NBAS: variants seen among roughly 807,000 people sequenced by gnomAD.
NBAS encodes the protein NAG/BC035112 fusion.
Under a neutral mutation model 302.5 loss-of-function variants are expected in NBAS, and 219 were observed. That is an observed-to-expected ratio of 0.72 (90% CI 0.65 to 0.81). NBAS has a LOEUF of 0.81. Among genes scored for constraint, NBAS ranks in the 30% least tolerant of loss-of-function variants. The pLI is 0.00. For missense variants in NBAS, 2,932 were observed against 2,841.6 expected, an observed-to-expected ratio of 1.03 and a Z score of -0.72; for synonymous variants, 1,118 against 1,021.6, an observed-to-expected ratio of 1.09 and a Z score of -1.80.
intron 11 of NBAS, among the ~76,000 whole-genome samples, chr2:15,491,009 T>C (rs563331062): frequency 7.2e-5 from 11 of 152,324 alleles, no homozygotes; most frequent in African/African-American, 2.6e-4. Flanking sequence ...CTGAATAACT[T>C]CACAATAGCA....
At chr2:14,821,579 C>G in the NBAS span, among the ~76,000 whole-genome samples, 12 of 152,106 alleles carry the variant, frequency 7.9e-5, no homozygotes, top group South Asian at 4.1e-4. Flanking sequence ...TAACTCTGGC[C>G]AGATCCCTTT....
chr2:15,057,630 T>C, the NBAS span, among the ~76,000 whole-genome samples: 1 of 152,324 alleles, frequency 6.6e-6, no homozygotes, highest in Admixed American at 6.5e-5. Flanking sequence ...CTTATGCCTT[T>C]GCGTCCTCAT....
At chr2:15,166,429 T>C (rs1322685275), downstream of NBAS, among the ~76,000 whole-genome samples, 1 of 152,218 alleles carries the variant, frequency 6.6e-6, no homozygotes, top group Non-Finnish European at 1.5e-5. Flanking sequence ...CTGAAGGTCA[T>C]AATTCATATA....
chr2:15,188,381 T>G (rs1344340102), intron 49 of NBAS, among the ~76,000 whole-genome samples: 1 of 152,206 alleles, frequency 6.6e-6, no homozygotes, highest in Non-Finnish European at 1.5e-5. Flanking sequence ...CCTTTTTTGG[T>G]GATTTATTTA....
chr2:15,167,256 C>T lies in NBAS; in HGVS notation c.6908G>A (p.Cys2303Tyr), dbSNP rs766215589. The T allele has an allele frequency of 2.3e-5, 37 of 1,614,126 alleles. No individual in the cohort carries two copies. The highest frequency in any genetic ancestry group is 3.1e-5 in the Non-Finnish European group (37 of 1,180,050). Reference protein sequence around the residue: ...LLLDAKLLVKCVSTPFYPRIV... With the variant: ...LLLDAKLLVKYVSTPFYPRIV... ...ACGTGGATAGAAGGGAGTGGAGACA[C>T]ACTTCACCAGCAGCTTGGCATCCAG... The change falls in exon 52 of 52, where the codon TGT becomes TAT. Residue 2303 changes from cysteine (C) to tyrosine (Y), a missense_variant. By Grantham distance (194) the Cys-to-Tyr change is radical (BLOSUM62 -2). Transcript: ENST00000281513.
chr2:15,320,864 T>C (rs1007652863), intron 38 of NBAS, among the ~76,000 whole-genome samples: 6 of 152,166 alleles, frequency 3.9e-5, no homozygotes, highest in African/African-American at 1.2e-4. Context: ...AAGCTACCAA[T>C]GACTTTCTTC....
the NBAS span, among the ~76,000 whole-genome samples, chr2:14,784,931 C>T: frequency 3.9e-5 from 6 of 152,062 alleles, no homozygotes; most frequent in African/African-American, 1.4e-4. Flanking sequence ...TTTCACGATA[C>T]TGATTCTTCC....
chr2:15,161,085 A>G, the NBAS span, among the ~76,000 whole-genome samples: 2 of 152,178 alleles, frequency 1.3e-5, no homozygotes, highest in African/African-American at 2.4e-5. Flanking sequence ...AGGAGTGTGG[A>G]GTTGAGCAAA....
chr2:15,043,852 C>G, the NBAS span, among the ~76,000 whole-genome samples: 4 of 152,308 alleles, frequency 2.6e-5, no homozygotes, highest in South Asian at 8.3e-4. Flanking sequence ...TCTGACTCAT[C>G]CCCACACTAG....
At chr2:15,554,221 A>C (rs1664534376) in intron 3 of NBAS, 83 bp from the exon 4 acceptor site, 6 of 1,101,122 alleles carry the variant, frequency 5.4e-6, no homozygotes, top group Non-Finnish European at 8.1e-6. Flanking sequence ...ATACTTATAG[A>C]GAGAGACACA....
chr2:15,137,838 C>T, the NBAS span, among the ~76,000 whole-genome samples: 1 of 152,122 alleles, frequency 6.6e-6, no homozygotes, highest in Non-Finnish European at 1.5e-5. Flanking sequence ...TGCAATGGAG[C>T]GATCATAGCT....
the NBAS span, among the ~76,000 whole-genome samples, chr2:14,957,277 ACG>A: frequency 1.0e-5 from 1 of 95,466 alleles, no homozygotes; most frequent in African/African-American, 3.8e-5. Context: ...TTATACATAT[ACG>A]TGTGTGTGTG....
At chr2:15,503,298 C>A (rs1026515923) in intron 11 of NBAS, among the ~76,000 whole-genome samples, 3 of 152,110 alleles carry the variant, frequency 2.0e-5, no homozygotes, top group Non-Finnish European at 2.9e-5. Flanking sequence ...TACAGTCAAG[C>A]CTTCCATATC....
At chr2:15,321,068 C>A (rs1328903501) in intron 38 of NBAS, among the ~76,000 whole-genome samples, 1 of 152,100 alleles carries the variant, frequency 6.6e-6, no homozygotes, top group Non-Finnish European at 1.5e-5. Flanking sequence ...TGGAACAGAA[C>A]AGAGCCCTCA....
chr2:15,335,604 T>C (rs1273779988), intron 35 of NBAS, among the ~76,000 whole-genome samples: 2 of 152,226 alleles, frequency 1.3e-5, no homozygotes, highest in Admixed American at 6.5e-5. Context: ...CCTTTCTGCA[T>C]ATTTTGGGCC....
the NBAS span, among the ~76,000 whole-genome samples, chr2:15,013,281 T>C: frequency 1.3e-5 from 2 of 152,124 alleles, no homozygotes; most frequent in Non-Finnish European, 2.9e-5. Context: ...AACTCACTGG[T>C]TTGTCCAATA....
chr2:15,056,140 A>T, the NBAS span, among the ~76,000 whole-genome samples: 1 of 152,144 alleles, frequency 6.6e-6, no homozygotes, highest in Non-Finnish European at 1.5e-5. Flanking sequence ...ATGAGCAAAA[A>T]GATTCAAGAA....
At chr2:15,420,457 CAAAG>C (rs1336213667) in intron 23 of NBAS, among the ~76,000 whole-genome samples, 1 of 151,600 alleles carries the variant, frequency 6.6e-6, no homozygotes, top group Non-Finnish European at 1.5e-5. Flanking sequence ...AAATAAAAAG[CAAAG>C]AAAGAAGCCA....
chr2:15,505,679 A>G (rs952521327), intron 10 of NBAS, among the ~76,000 whole-genome samples: 1 of 152,218 alleles, frequency 6.6e-6, no homozygotes, highest in Non-Finnish European at 1.5e-5. Context: ...AAAATGAACA[A>G]GAAAGAGATT....
Sources: allele counts gnomAD v4.1 joint callset (sites outside exome capture counted in the v4.1 genomes callset), GRCh38; gene constraint gnomAD v4.1.1; transcripts MANE v1.5; gene names NCBI Gene and HGNC (gene_info 2026-07-23, HGNC 2026-07-21).